The following SLC24A2 variants were observed in gnomAD, a reference collection of about 807,000 sequenced individuals.
SLC24A2 encodes solute carrier family 24 member 2.
In SLC24A2, 36 loss-of-function variants were observed where a neutral mutation model predicts 62.0. That is an observed-to-expected ratio of 0.58 (90% CI 0.44 to 0.77). SLC24A2 has a LOEUF of 0.77. Ranked by LOEUF, SLC24A2 falls within the 30% of genes least tolerant of loss-of-function variation. The probability of loss-of-function intolerance (pLI) is 0.00; values close to 1 mark genes in which losing one functional copy is unlikely to be tolerated. For synonymous variants in SLC24A2, 358 were observed against 294.0 expected, an observed-to-expected ratio of 1.22 and a Z score of -2.23; for missense variants, 846 against 817.9, an observed-to-expected ratio of 1.03 and a Z score of -0.42.
the SLC24A2 span, among the ~76,000 whole-genome samples, chr9:20,164,325 C>T: frequency 9.8e-3 from 1,483 of 151,968 alleles, 12 homozygotes; most frequent in Non-Finnish European, 0.017. Flanking sequence ...GGGCAAAGGA[C>T]ATGAACAGAC....
the SLC24A2 span, among the ~76,000 whole-genome samples, chr9:20,166,718 T>C: frequency 8.6e-5 from 13 of 152,012 alleles, no homozygotes; most frequent in Non-Finnish European, 1.8e-4. Context: ...AGGATACTTC[T>C]CTGGATATAC....
the SLC24A2 span, among the ~76,000 whole-genome samples, chr9:19,982,629 A>G: frequency 6.6e-6 from 1 of 152,200 alleles, no homozygotes; most frequent in Non-Finnish European, 1.5e-5. Context: ...AATACCAATC[A>G]TTCTCAAATG....
At chr9:19,844,400 T>C in the SLC24A2 span, among the ~76,000 whole-genome samples, 1 of 152,208 alleles carries the variant, frequency 6.6e-6, no homozygotes, top group Non-Finnish European at 1.5e-5. Context: ...AAGTTCCTTA[T>C]AGACTTGGGA....
the SLC24A2 span, among the ~76,000 whole-genome samples, chr9:20,050,459 T>A: frequency 6.6e-6 from 1 of 152,018 alleles, no homozygotes; most frequent in Non-Finnish European, 1.5e-5. Flanking sequence ...AATTTAACTT[T>A]CCAAGTCTAC....
the SLC24A2 span, among the ~76,000 whole-genome samples, chr9:20,284,508 C>T: frequency 6.9e-6 from 1 of 145,032 alleles, no homozygotes; most frequent in Non-Finnish European, 1.5e-5. Flanking sequence ...CCTCATTTAG[C>T]CATGTCAATA....
chr9:19,731,309 A>T (rs1365234640), intron 2 of SLC24A2, among the ~76,000 whole-genome samples: 1 of 152,206 alleles, frequency 6.6e-6, no homozygotes, highest in Non-Finnish European at 1.5e-5. Flanking sequence ...TGAGGATTAT[A>T]CATAATGCTA....
intron 4 of SLC24A2, among the ~76,000 whole-genome samples, chr9:19,612,297 T>G (rs1837197426): frequency 6.6e-6 from 1 of 152,238 alleles, no homozygotes; most frequent in African/African-American, 2.4e-5. Context: ...GGCCTTGTTG[T>G]AAGTGCTTTT....
chr9:19,652,192 AG>A (rs1389878100), intron 2 of SLC24A2, among the ~76,000 whole-genome samples: 3 of 152,182 alleles, frequency 2.0e-5, no homozygotes, highest in Non-Finnish European at 4.4e-5. Context: ...TTTTGGAGGT[AG>A]GGTACTTCCT....
At chr9:20,030,354 A>C in the SLC24A2 span, among the ~76,000 whole-genome samples, 3 of 152,210 alleles carry the variant, frequency 2.0e-5, no homozygotes, top group Non-Finnish European at 4.4e-5. Context: ...GGGTATACTG[A>C]AGGGGAAGTC....
the SLC24A2 span, among the ~76,000 whole-genome samples, chr9:20,027,149 T>G: frequency 4.6e-5 from 7 of 152,000 alleles, no homozygotes; most frequent in South Asian, 6.2e-4. Context: ...ATGACTATTA[T>G]CAAAAGGACA....
chr9:19,706,446 C>A (rs2118563479), intron 2 of SLC24A2, among the ~76,000 whole-genome samples: 1 of 148,418 alleles, frequency 6.7e-6, no homozygotes, highest in South Asian at 2.1e-4. Flanking sequence ...GTGGCGCGAT[C>A]TCGACTCACT....
At chr9:19,591,703 G>A (rs1002857049) in intron 5 of SLC24A2, among the ~76,000 whole-genome samples, 1 of 152,190 alleles carries the variant, frequency 6.6e-6, no homozygotes, top group Non-Finnish European at 1.5e-5. Context: ...GAGGGTGGTG[G>A]AGCAGAAGGA....
chr9:20,072,772 G>A, the SLC24A2 span, among the ~76,000 whole-genome samples: 11 of 152,026 alleles, frequency 7.2e-5, 1 homozygote, highest in African/African-American at 1.9e-4. Flanking sequence ...GGAGCCATAA[G>A]CCAAGGAATA....
the SLC24A2 span, among the ~76,000 whole-genome samples, chr9:20,058,496 C>CACACACACACACACACAA: frequency 6.6e-6 from 1 of 150,996 alleles, no homozygotes; most frequent in African/African-American, 2.4e-5. Context: ...CCTTCATACA[C>CACACACACACACACACAA]ACACACACAC....
chr9:20,119,274 G>A, the SLC24A2 span, among the ~76,000 whole-genome samples: 5 of 152,004 alleles, frequency 3.3e-5, no homozygotes, highest in African/African-American at 1.2e-4. Context: ...TTAGACTATG[G>A]CCAGCTCTTG....
chr9:19,588,768 C>T (rs960218720), intron 5 of SLC24A2, among the ~76,000 whole-genome samples: 2 of 152,128 alleles, frequency 1.3e-5, no homozygotes, highest in African/African-American at 4.8e-5. Context: ...CAAGACGAGC[C>T]TGGTCAACAC....
chr9:19,993,589 C>T, the SLC24A2 span, among the ~76,000 whole-genome samples: 1 of 152,176 alleles, frequency 6.6e-6, no homozygotes, highest in Non-Finnish European at 1.5e-5. Context: ...GTACCTGCTA[C>T]TATGTTCAGG....
intron 2 of SLC24A2, among the ~76,000 whole-genome samples, chr9:19,631,426 AC>A (rs1386887254): frequency 7.9e-5 from 12 of 151,766 alleles, no homozygotes; most frequent in African/African-American, 2.7e-4. Context: ...ACAATATCAA[AC>A]CTCCCTTCTT....
intron 2 of SLC24A2, among the ~76,000 whole-genome samples, chr9:19,734,466 T>C (rs1468000902): frequency 6.6e-6 from 1 of 152,184 alleles, no homozygotes; most frequent in Non-Finnish European, 1.5e-5. Context: ...AATCTATAAA[T>C]TACCTTGGGC....
Sources: gnomAD v4.1 joint callset for allele counts (sites outside exome capture counted in the v4.1 genomes callset) on GRCh38, gnomAD v4.1.1 for gene constraint, MANE v1.5 for transcripts, NCBI Gene and HGNC (gene_info 2026-07-23, HGNC 2026-07-21) for gene names.